Variants in CHRNA7 observed in about 807,000 individuals in gnomAD.
The protein encoded by CHRNA7 is neuronal acetylcholine receptor subunit alpha-7.
CHRNA7 carries 17 observed loss-of-function variants against 48.0 expected under a neutral mutation model. That is an observed-to-expected ratio of 0.35 (90% confidence interval 0.24 to 0.53). The LOEUF is 0.53. CHRNA7 is among the 20% of genes least tolerant of loss of function. The pLI, the probability that CHRNA7 is intolerant of heterozygous loss-of-function variation, is 0.92. For synonymous variants in CHRNA7, 75 were observed against 242.3 expected (o/e 0.31, Z 6.41); for missense variants, 155 against 577.7 (o/e 0.27, Z 7.50).
At chr15:32,063,133 C>G (rs764482347) in intron 2 of CHRNA7, among the ~76,000 whole-genome samples, 7 of 151,972 alleles carry the variant, frequency 4.6e-5, no homozygotes, top group Non-Finnish European at 1.0e-4. Flanking sequence ...GGAAGTTGCT[C>G]TGGTGAGTCA....
intron 2 of CHRNA7, chr15:32,100,044 T>G (rs2050543896): frequency 6.6e-6 from 1 of 152,156 alleles, no homozygotes; most frequent in Admixed American, 6.5e-5. Flanking sequence ...GCCCAACATG[T>G]GAGCAACTGG....
chr15:32,118,989 CAA>C (rs66493443), intron 4 of CHRNA7, among the ~76,000 whole-genome samples: 505 of 132,824 alleles, frequency 3.8e-3, no homozygotes, highest in Non-Finnish European at 4.2e-3. Context: ...CTTCGAAATG[CAA>C]AAAAAAAAAA....
intron 4 of CHRNA7, among the ~76,000 whole-genome samples, chr15:32,127,935 A>T (rs1320999594): frequency 6.6e-6 from 1 of 152,024 alleles, no homozygotes; most frequent in African/African-American, 2.4e-5. Flanking sequence ...TAAAAGTTTC[A>T]CATTTTTAAG....
chr15:32,066,931 C>T (rs1400941803), intron 2 of CHRNA7, among the ~76,000 whole-genome samples: 1 of 151,818 alleles, frequency 6.6e-6, no homozygotes, highest in Non-Finnish European at 1.5e-5. Context: ...AGGATTCGAA[C>T]AGGTGGAAGA....
At chr15:32,150,253 T>C (rs1377584498) in intron 4 of CHRNA7, among the ~76,000 whole-genome samples, 4 of 152,146 alleles carry the variant, frequency 2.6e-5, no homozygotes, top group Non-Finnish European at 5.9e-5. Flanking sequence ...AGATGGGGTC[T>C]TGCTTTGTTG....
chr15:32,079,420 A>T (rs1474142877), intron 2 of CHRNA7, among the ~76,000 whole-genome samples: 1 of 152,216 alleles, frequency 6.6e-6, no homozygotes, highest in South Asian at 2.1e-4. Context: ...CTCAGCTTCA[A>T]ATCTCCTTAA....
chr15:32,153,382 A>T (rs1376791059), intron 4 of CHRNA7: 1 of 145,786 alleles, frequency 6.9e-6, no homozygotes, highest in African/African-American at 2.5e-5. Flanking sequence ...AGATCATGCC[A>T]CTGCACTCTA....
chr15:32,035,126 C>T (rs1595368873), intron 2 of CHRNA7, among the ~76,000 whole-genome samples: 1 of 152,328 alleles, frequency 6.6e-6, no homozygotes, highest in Non-Finnish European at 1.5e-5. Context: ...TATATGCACA[C>T]ACTGACTTCT....
rs2051564512 is a variant in CHRNA7 at position 32,149,244 on chromosome 15, G to A, written c.351-4663G>A. Among the ~76,000 whole-genome samples the A allele has an allele frequency of 2.0e-5, 3 of 152,226 alleles. No individual in the cohort carries two copies. On this transcript the variant is annotated intron_variant, in intron 4 of 9. Transcript: ENST00000306901. This position sits in a 1 kb window ranked among gnomAD's most constrained non-coding sequence, Gnocchi z 4.6. The stretch of plus-strand genomic sequence containing the variant: ...AGAACAGTTTACACACAGAAGAGGA[G>A]TGAGGAGGAGAATGAATCCCTGCAG...
At position 32,138,692 on chromosome 15, in the gene CHRNA7, C is replaced by T. The variant is rs185297510; in HGVS notation, c.351-15215C>T. 6.0e-4 allele frequency among the ~76,000 whole-genome samples: 90 copies of T among 150,532 alleles called. No individual in the cohort carries two copies. The East Asian group carries it at 0.015, about 25-fold the overall frequency. On this transcript the variant is annotated intron_variant, in intron 4 of 9. Coordinates refer to ENST00000306901, the MANE Select transcript of CHRNA7 (RefSeq NM_000746.6). The stretch of plus-strand genomic sequence containing the variant: ...TCCTCGGTGCTCCACCTATTCATCC[C>T]GCCCTCTCTCTGCAATCCATGGCAG...
At chr15:32,065,955 G>A (rs547788636) in intron 2 of CHRNA7, among the ~76,000 whole-genome samples, 3 of 128,484 alleles carry the variant, frequency 2.3e-5, no homozygotes, top group African/African-American at 9.7e-5. Flanking sequence ...CTGGCTGTGT[G>A]TGGAAGGTGT....
chr15:32,138,206 CACAA>C (rs1218135433), intron 4 of CHRNA7, among the ~76,000 whole-genome samples: 1 of 151,948 alleles, frequency 6.6e-6, no homozygotes, highest in Admixed American at 6.6e-5. Flanking sequence ...ACAAAGAAGG[CACAA>C]ACAAACATTT....
At chr15:32,051,100 A>G (rs2049665515) in intron 2 of CHRNA7, among the ~76,000 whole-genome samples, 1 of 151,674 alleles carries the variant, frequency 6.6e-6, no homozygotes, top group Non-Finnish European at 1.5e-5. Flanking sequence ...GTCAGGGGTC[A>G]GGGACCCACT....
At chr15:32,046,285 G>A (rs368605298) in intron 2 of CHRNA7, among the ~76,000 whole-genome samples, 5,149 of 148,882 alleles carry the variant, frequency 0.035, 129 homozygotes, top group Middle Eastern at 0.099. Context: ...AGTCCCACCA[G>A]CAGTGTAAAA....
rs959357523 is a variant in CHRNA7, at chr15:32,082,101, T to C, written c.196-19202T>C. 2.0e-5 allele frequency among the ~76,000 whole-genome samples: 3 copies of C among 152,318 alleles called. No individual in the cohort carries two copies. The East Asian group carries it at 5.8e-4, about 29-fold the overall frequency. On this transcript the variant is annotated intron_variant, in intron 2 of 9. Transcript: ENST00000306901. ...TGAATTGTTTTTGCAGTATAGGTAA[T>C]GTGTCATTTTTCTTTCTCTGTTTTT...
intron 4 of CHRNA7, among the ~76,000 whole-genome samples, chr15:32,131,483 G>A (rs1195065587): frequency 1.3e-5 from 2 of 151,924 alleles, no homozygotes; most frequent in African/African-American, 4.8e-5. Flanking sequence ...CTACATGTTG[G>A]TAATCCCAGT....
chr15:32,074,637 A>ATATTATTATTATTATTAT (rs113812797), intron 2 of CHRNA7, among the ~76,000 whole-genome samples: 277 of 141,768 alleles, frequency 2.0e-3, no homozygotes, highest in African/African-American at 5.9e-3. Flanking sequence ...CACATTATTA[A>ATATTATTATTATTATTAT]TATTATTATT....
At position 32,124,299 on chromosome 15, in the gene CHRNA7, A is replaced by T. The variant is rs982414095; in HGVS notation, c.350+12400A>T. Among the ~76,000 whole-genome samples the T allele has an allele frequency of 2.0e-5, 3 of 152,202 alleles. No individual in the cohort carries two copies. The East Asian group carries it at 5.8e-4, about 29-fold the overall frequency. On this transcript the variant is annotated intron_variant, in intron 4 of 9. Coordinates refer to ENST00000306901, the MANE Select transcript of CHRNA7 (RefSeq NM_000746.6). ...AAATACGTAAAAAGGGACAAAATGA[A>T]TATTTTATATTGATTAAAGGAAAAT... is the stretch of plus-strand genomic sequence containing the variant.
intron 2 of CHRNA7, among the ~76,000 whole-genome samples, chr15:32,090,907 G>A (rs992404292): frequency 6.6e-6 from 1 of 152,152 alleles, no homozygotes; most frequent in African/African-American, 2.4e-5. Context: ...AGTCTTTCAA[G>A]CATTCGCATT....
Sources: allele counts gnomAD v4.1 joint callset (sites outside exome capture counted in the v4.1 genomes callset), GRCh38; gene constraint gnomAD v4.1.1; non-coding constraint Gnocchi (gnomAD v3.1); transcripts MANE v1.5; gene names NCBI Gene and HGNC (gene_info 2026-07-23, HGNC 2026-07-21).